APAF1: variants seen among roughly 807,000 people sequenced by gnomAD.
APAF1 encodes the protein apoptotic protease-activating factor 1.
APAF1 carries 91 observed loss-of-function variants against 152.4 expected under a neutral mutation model. The ratio of observed to expected loss-of-function variants is 0.60; its 90% CI spans 0.50 to 0.71. APAF1 has a LOEUF of 0.71. Ranked by LOEUF, APAF1 falls within the 30% of genes least tolerant of loss-of-function variation. The pLI is 0.00. For missense variants in APAF1, 1,283 were observed against 1,472.0 expected, an observed-to-expected ratio of 0.87 and a Z score of 2.10; for synonymous variants, 484 against 494.1, an observed-to-expected ratio of 0.98 and a Z score of 0.27.
chr12:98,665,899 C>T (rs767394128), intron 8 of APAF1, 108 bp downstream of exon 8: 4 of 1,015,124 alleles, frequency 3.9e-6, no homozygotes, highest in Non-Finnish European at 6.2e-6. Context: ...ACCCAGGGGA[C>T]TGAGGTGGTG....
At chr12:98,715,397 C>G (rs1053359704) in intron 21 of APAF1, 30 bp from the exon 22 acceptor site, 20 of 1,608,510 alleles carry the variant, frequency 1.2e-5, no homozygotes, top group Non-Finnish European at 1.6e-5. Context: ...TTAGTTTCTT[C>G]TTAATTTTCT....
At chr12:98,698,163 A>G (rs2097711708) in intron 16 of APAF1, among the ~76,000 whole-genome samples, 1 of 152,236 alleles carries the variant, frequency 6.6e-6, no homozygotes, top group Admixed American at 6.5e-5. Context: ...TTTTCTTTGT[A>G]AAATTCAGGC....
chr12:98,665,615 T>C lies in APAF1; in HGVS notation c.1018T>C (p.Tyr340His), dbSNP rs1308504401. The change falls in exon 8 of 27, where the codon TAC (tyrosine) becomes CAC (histidine). Residue 340 changes from tyrosine (Y) to histidine (H), a missense_variant. Physicochemically the swap from Tyr to His is moderately conservative, Grantham distance 83 (BLOSUM62 2). Transcript: ENST00000551964. ...ACGTGATTTTCCCAATCGCTGGGAG[T>C]ACTACCTCAAACAGCTTCAGAATAA... ...LLRDFPNRWE[Y>H]YLKQLQNKQF... 6.2e-7 allele frequency: 1 copy of C among 1,613,874 alleles called. No homozygotes were observed.
rs2097745651 is a variant in APAF1, at chr12:98,723,305, C to G, written c.3197C>G (p.Thr1066Arg). Residue 1066 changes from threonine to arginine, a missense_variant, in exon 23 of 27, where the codon ACA becomes AGA. Physicochemically the swap from Thr to Arg is moderately conservative, Grantham distance 71 (BLOSUM62 -1). Coordinates refer to ENST00000551964, the MANE Select transcript of APAF1 (RefSeq NM_181861.2). ...SRLLSWSFDG[T>R]VKVWNIITGN... is the part of the protein sequence containing the mutation. Reference sequence around the variant, plus strand: ...CTGCTTTCTTGGTCATTTGATGGAACAGTGAAGGTAATTTAAAGTATAAAT... The same window carrying G: ...CTGCTTTCTTGGTCATTTGATGGAAGAGTGAAGGTAATTTAAAGTATAAAT... 6.2e-7 allele frequency: 1 copy of G among 1,613,228 alleles called. No homozygotes were observed. The highest frequency in any genetic ancestry group is 1.3e-5 in the African/African-American group (1 of 75,018).
chr12:98,686,753 G>A lies in APAF1; in HGVS notation c.2184G>A (p.Trp728Ter). The change falls in exon 16 of 27, where the codon TGG becomes TGA. Residue 728 changes from tryptophan to a stop codon, truncating the protein, a stop_gained. Coordinates refer to ENST00000551964, the MANE Select transcript of APAF1 (RefSeq NM_181861.2). LOFTEE classifies it high-confidence loss of function. ...TTTTTTTCTTTCACAAATAGCTTTGGGATTTGAATCAAAAAGAATGTCGAA... is the reference window on the plus strand; with the variant it reads ...TTTTTTTCTTTCACAAATAGCTTTGAGATTTGAATCAAAAAGAATGTCGAA... ...TGSSDCFLKL[W>*]DLNQKECRNT... 2 of 1,613,108 alleles carry A rather than the reference G, an allele frequency of 1.2e-6. No individual in the cohort carries two copies. Among genetic ancestry groups the A allele is most frequent in the Non-Finnish European group, 1.7e-6 (2 of 1,179,540 alleles).
intron 16 of APAF1, among the ~76,000 whole-genome samples, chr12:98,688,020 C>G (rs994150023): frequency 2.0e-5 from 3 of 152,126 alleles, no homozygotes; most frequent in Non-Finnish European, 4.4e-5. Context: ...CCACGTTGGC[C>G]AGTCTGGGGA....
chr12:98,649,789 G>T, intron 4 of APAF1, 105 bp downstream of exon 4: 1 of 1,102,556 alleles, frequency 9.1e-7, no homozygotes, highest in East Asian at 2.6e-5. Flanking sequence ...CAAGTATAAG[G>T]TACAGAGTTA....
intron 1 of APAF1, among the ~76,000 whole-genome samples, chr12:98,646,508 A>G: frequency 6.6e-6 from 1 of 152,122 alleles, no homozygotes; most frequent in East Asian, 1.9e-4. Flanking sequence ...GTGAGCTCCA[A>G]GTTACTTGTG....
At chr12:98,711,439 A>G (rs1356128523) in intron 20 of APAF1, among the ~76,000 whole-genome samples, 1 of 152,210 alleles carries the variant, frequency 6.6e-6, no homozygotes, top group Non-Finnish European at 1.5e-5. Flanking sequence ...TTGAGAGAAG[A>G]TGTTCAGCTC....
chr12:98,646,377 G>A (rs1040961719), intron 1 of APAF1, among the ~76,000 whole-genome samples: 3 of 152,110 alleles, frequency 2.0e-5, no homozygotes, highest in African/African-American at 7.2e-5. Context: ...GCCCCTGCTG[G>A]GCATTTTGTA....
intron 4 of APAF1, among the ~76,000 whole-genome samples, chr12:98,653,858 A>G (rs565570770): frequency 2.0e-5 from 3 of 151,284 alleles, no homozygotes; most frequent in Non-Finnish European, 2.9e-5. Context: ...GTGACATTTT[A>G]CATTACTGTA....
intron 3 of APAF1, chr12:98,649,018 A>G (rs2097645760): frequency 7.0e-6 from 5 of 714,288 alleles, no homozygotes; most frequent in Middle Eastern, 4.0e-4. Context: ...AGTGAACTGT[A>G]CTGCTGAGAT....
In APAF1 at chr12:98,706,675, A is replaced by G. The variant is rs554951984; in HGVS notation, c.2721+65A>G. The G allele has an allele frequency of 4.1e-5, 65 of 1,589,398 alleles. No individual in the cohort carries two copies. In the Admixed American group the frequency reaches 1.0e-3, roughly 25 times the overall value. On this transcript the variant is annotated intron_variant, in intron 19 of 26. Coordinates refer to ENST00000551964, the MANE Select transcript of APAF1 (RefSeq NM_181861.2). ...TGGTGAGCTAAACCTCCTACAAACT[A>G]AGAAATTGATGGGTAGCACTGAGGT...
rs1468423793 is a variant in APAF1, at chr12:98,715,146, G to A, written c.2959-281G>A. Among the ~76,000 whole-genome samples the A allele has an allele frequency of 6.4e-5, 9 of 141,486 alleles. No homozygotes were observed. In the East Asian group the frequency reaches 1.4e-3, roughly 22 times the overall value. 92.8% of individuals were successfully genotyped at this position (141,486 alleles called of 152,430 possible). A position where few individuals can be genotyped will look rare whatever the true frequency, so the allele number is the denominator to read the frequency against. ...GAAGTGGGTAGTTGAGTACTCAGAAGGACCACTGGTTCCTACTGCTGTCTG... is the reference window on the plus strand; with the variant it reads ...GAAGTGGGTAGTTGAGTACTCAGAAAGACCACTGGTTCCTACTGCTGTCTG... On this transcript the variant is annotated intron_variant, in intron 21 of 26. Coordinates refer to ENST00000551964, the MANE Select transcript of APAF1 (RefSeq NM_181861.2).
intron 10 of APAF1, among the ~76,000 whole-genome samples, chr12:98,669,130 T>C (rs2097676972): frequency 6.6e-6 from 1 of 152,238 alleles, no homozygotes; most frequent in Non-Finnish European, 1.5e-5. Flanking sequence ...AATAAATACT[T>C]GTGCCCTAAT....
intron 5 of APAF1, among the ~76,000 whole-genome samples, chr12:98,661,151 T>C (rs926563739): frequency 1.3e-5 from 2 of 152,176 alleles, no homozygotes; most frequent in African/African-American, 4.8e-5. Flanking sequence ...TCTGCCCACC[T>C]TGGCCTCCCA....
In APAF1 at chr12:98,715,761, G is replaced by T. The variant is rs7311388; in HGVS notation, c.3084+209G>T. Among the ~76,000 whole-genome samples the T allele has an allele frequency of 9.8e-3, 1,497 of 152,160 alleles. 25 individuals carry two copies. Among genetic ancestry groups the T allele is most frequent in the African/African-American group, 0.034 (1,410 of 41,486 alleles). ...TTATCTTAGAATCCTCTGTTGGAAG[G>T]TTGTTTATTTTGAAAATGAAGGGTT... On this transcript the variant is annotated intron_variant, in intron 22 of 26. Coordinates refer to ENST00000551964, the MANE Select transcript of APAF1 (RefSeq NM_181861.2).
chr12:98,677,462 G>A lies in APAF1; in HGVS notation c.1831G>A (p.Val611Ile). 1.2e-6 allele frequency: 2 copies of A among 1,613,978 alleles called. No homozygotes were observed. Among genetic ancestry groups the A allele is most frequent in the Non-Finnish European group, 1.7e-6 (2 of 1,179,982 alleles). Residue 611 changes from valine to isoleucine, a missense_variant, in exon 13 of 27, where the codon GTC becomes ATC. Transcript: ENST00000551964. ...KNITNLSRLV[V>I]RPHTDAVYHA... The stretch of plus-strand genomic sequence containing the variant: ...CATCACGAATCTTTCCCGCTTAGTT[G>A]TCCGCCCCCACACAGATGCTGTTTA...
chr12:98,670,210 C>T (rs984470351), intron 10 of APAF1, among the ~76,000 whole-genome samples: 1 of 152,244 alleles, frequency 6.6e-6, no homozygotes, highest in Non-Finnish European at 1.5e-5. Context: ...TCTCAAAGTG[C>T]TGGGATTACA....
Sources: gnomAD v4.1 joint callset for allele counts (sites outside exome capture counted in the v4.1 genomes callset) on GRCh38, gnomAD v4.1.1 for gene constraint, MANE v1.5 for transcripts, NCBI Gene and HGNC (gene_info 2026-07-23, HGNC 2026-07-21) for gene names.